Variants in DYNC1H1 observed in about 807,000 individuals in gnomAD.
DYNC1H1 encodes dynein cytoplasmic 1 heavy chain 1.
Under a neutral mutation model 527.1 loss-of-function variants are expected in DYNC1H1, and 51 were observed. The observed-to-expected ratio is 0.10, with a 90% CI of 0.08 to 0.12. The LOEUF is 0.12. Among genes scored for constraint, DYNC1H1 ranks in the 10% least tolerant of loss-of-function variants. The pLI is 1.00. For synonymous variants in DYNC1H1, 2,189 were observed against 2,278.8 expected (o/e 0.96, Z 1.12); for missense variants, 2,771 against 5,971.8 (o/e 0.46, Z 17.66).
At chr14:102,006,781 G>T (rs2048201738) in intron 27 of DYNC1H1, among the ~76,000 whole-genome samples, 1 of 150,266 alleles carries the variant, frequency 6.7e-6, no homozygotes, top group African/African-American at 2.5e-5. Context: ...TGTATTTTTA[G>T]TAGAGATGGA....
Position 102,011,646 on chromosome 14 carries a change from G to A in DYNC1H1, c.6619-229G>A. ...AGGCGCTTGTAAAGCCAGCTACTTG[G>A]GAGAGTGAGGAAGGAGAATCACTTG... is the stretch of plus-strand genomic sequence containing the variant. On this transcript the variant is annotated intron_variant, in intron 32 of 77. Transcript: ENST00000360184. This position sits in a 1 kb window ranked among gnomAD's most constrained non-coding sequence, Gnocchi z 5.3. 1.8e-6 allele frequency: 1 copy of A among 558,066 alleles called. No individual in the cohort carries two copies. Among genetic ancestry groups the A allele is most frequent in the Non-Finnish European group, 3.2e-6 (1 of 311,292 alleles). The allele number at this position is 558,066 out of a possible 1,614,324, so 34.6% of individuals were successfully genotyped here.
intron 43 of DYNC1H1, among the ~76,000 whole-genome samples, chr14:102,025,571 A>G (rs2048440265): frequency 6.6e-6 from 1 of 151,792 alleles, no homozygotes; most frequent in Non-Finnish European, 1.5e-5. Context: ...CAAGGAAAAA[A>G]AAAAAAAAAA....
chr14:101,983,636 GTTTTGT>G lies in DYNC1H1; in HGVS notation c.1461+43_1461+48del, dbSNP rs746861110. 1.2e-5 allele frequency: 20 copies of G among 1,604,084 alleles called. No individual in the cohort carries two copies. The highest frequency in any genetic ancestry group is 2.2e-5 in the East Asian group (1 of 44,730). On this transcript the variant is annotated intron_variant, in intron 7 of 77. Transcript: ENST00000360184. This position sits in a 1 kb window ranked among gnomAD's most constrained non-coding sequence, Gnocchi z 5.3. ...TAAGATTTGCATTCTAAAAGTTTGTGTTTTGTTTTTGTTTTTGTTTTGTTTTTTGTT... is the reference window on the plus strand; with the variant it reads ...TAAGATTTGCATTCTAAAAGTTTGTGTTTTGTTTTTGTTTTGTTTTTTGTT...
At chr14:101,976,445 G>A (rs530598914) in intron 2 of DYNC1H1, among the ~76,000 whole-genome samples, 12 of 151,750 alleles carry the variant, frequency 7.9e-5, no homozygotes, top group African/African-American at 2.4e-4. Flanking sequence ...GGGAGGCTGA[G>A]GCAGTTGAAT....
Position 101,985,897 on chromosome 14 carries a change from G to T in DYNC1H1, c.1672G>T (p.Asp558Tyr). Residue 558 changes from aspartate (D) to tyrosine (Y), a missense_variant, in exon 8 of 78, where the codon GAC becomes TAC. By Grantham distance (160) the Asp-to-Tyr change is radical. Around this residue, in one of 32 missense-constraint regions of DYNC1H1, gnomAD observed 264 missense variants for 619.4 expected, o/e 0.43. Coordinates refer to ENST00000360184, the MANE Select transcript of DYNC1H1 (RefSeq NM_001376.5). The surrounding 1 kb of genome is among the most constrained non-coding windows in gnomAD (Gnocchi z 5.9). The stretch of plus-strand genomic sequence containing the variant: ...TATGAAGAGGTACGATGAGAGGATC[G>T]ACAGAGTGGAGACCCGGATCACCGC... Reference protein sequence around the residue: ...AAMKRYDERIDRVETRITARL... With the variant: ...AAMKRYDERIYRVETRITARL... 6.2e-7 allele frequency: 1 copy of T among 1,614,230 alleles called. No individual in the cohort carries two copies. The highest frequency in any genetic ancestry group is 8.5e-7 in the Non-Finnish European group (1 of 1,180,038).
At chr14:101,966,776 G>T (rs2047672948) in intron 1 of DYNC1H1, among the ~76,000 whole-genome samples, 1 of 151,994 alleles carries the variant, frequency 6.6e-6, no homozygotes. Flanking sequence ...GTGATCACCA[G>T]TAATTCGCTT....
chr14:101,994,076 T>G, intron 11 of DYNC1H1, 108 bp from the exon 12 acceptor site: 2 of 1,544,952 alleles, frequency 1.3e-6, no homozygotes, highest in Non-Finnish European at 1.8e-6. Context: ...TAAATGCCAT[T>G]TTGGTCATGA....
intron 11 of DYNC1H1, among the ~76,000 whole-genome samples, chr14:101,993,772 T>G (rs1486070578): frequency 1.3e-5 from 2 of 152,212 alleles, no homozygotes; most frequent in Admixed American, 1.3e-4. Context: ...CGTAGTTCTC[T>G]CTCACCACCT....
At chr14:101,982,793 T>G (rs1429957342) in intron 5 of DYNC1H1, among the ~76,000 whole-genome samples, 3 of 151,338 alleles carry the variant, frequency 2.0e-5, no homozygotes, top group Non-Finnish European at 4.4e-5. Context: ...GGCTGCCACC[T>G]TCAGCCTTTA....
rs1298489247 is a variant in DYNC1H1 at position 102,008,207 on chromosome 14, C to T, written c.5847C>T (p.Cys1949=). 1.9e-6 allele frequency: 3 copies of T among 1,614,050 alleles called. No individual in the cohort carries two copies. Among genetic ancestry groups the T allele is most frequent in the Non-Finnish European group, 2.5e-6 (3 of 1,180,032 alleles). Residue 1949 remains cysteine, a synonymous_variant, in exon 29 of 78, where the codon TGC becomes TGT. Transcript: ENST00000360184. ...QAMGRIFVGL[C]QVGAWGCFDE... ...TGGGCCGGATCTTTGTGGGCCTTTG[C>T]CAGGTGGGTGCCTGGGGCTGCTTTG...
chr14:102,049,507 C>T lies in DYNC1H1; in HGVS notation c.13440C>T (p.Ser4480=), dbSNP rs150286673. ...GCATGACCGTCATCCAGTGGGTGTC[C>T]GACTTCAGCGAGAGGATCAAACAGC... The part of the protein sequence containing the change: ...PAGMTVIQWV[S]DFSERIKQLQ... The change falls in exon 75 of 78, where the codon TCC becomes TCT. Residue 4480 remains serine (S), a synonymous_variant. Transcript: ENST00000360184. The surrounding 1 kb of genome is among the most constrained non-coding windows in gnomAD (Gnocchi z 5.5). The T allele has an allele frequency of 1.9e-4, 314 of 1,614,142 alleles. No homozygotes were observed. The African/African-American group carries it at 3.2e-3, about 17-fold the overall frequency.
chr14:102,033,697 T>C lies in DYNC1H1; in HGVS notation c.10413+213T>C. Reference sequence around the variant, plus strand: ...TAGATTGATACAAACTGGACACTTTTCAGCCGTTGAATCCCCCACCAGCAG... The same window carrying C: ...TAGATTGATACAAACTGGACACTTTCCAGCCGTTGAATCCCCCACCAGCAG... On this transcript the variant is annotated intron_variant, in intron 54 of 77. Coordinates refer to ENST00000360184, the MANE Select transcript of DYNC1H1 (RefSeq NM_001376.5). The surrounding 1 kb of genome is among the most constrained non-coding windows in gnomAD (Gnocchi z 5.6). 1 of 722,462 alleles carries C rather than the reference T, an allele frequency of 1.4e-6. No individual in the cohort carries two copies. Among genetic ancestry groups the C allele is most frequent in the South Asian group, 1.8e-5 (1 of 57,040 alleles). 44.8% of individuals were successfully genotyped at this position (722,462 alleles called of 1,614,324 possible).
Position 101,980,089 on chromosome 14 carries a change from G to A in DYNC1H1, c.774+115G>A, listed in dbSNP as rs535003943. On this transcript the variant is annotated intron_variant, in intron 4 of 77. Transcript: ENST00000360184. ...TATGTGATAACTTGTTAGTGGTGCCGCCTCTTGGTCCTGGGACTGTCCAGT... is the reference window on the plus strand; with the variant it reads ...TATGTGATAACTTGTTAGTGGTGCCACCTCTTGGTCCTGGGACTGTCCAGT... 5.1e-5 allele frequency: 76 copies of A among 1,496,148 alleles called. No homozygotes were observed. In the East Asian group the frequency reaches 5.4e-4, roughly 11 times the overall value. The allele number at this position is 1,496,148 out of a possible 1,614,324, so 92.7% of individuals were successfully genotyped here. A position where few individuals can be genotyped will look rare whatever the true frequency, so the allele number is the denominator to read the frequency against.
At position 102,047,641 on chromosome 14, in the gene DYNC1H1, G is replaced by GTGTGTGTATATATATATATA; in HGVS notation, c.13007-175_13007-174insGTGTGTATATATATATATAT. On this transcript the variant is annotated intron_variant, in intron 72 of 77. Coordinates refer to ENST00000360184, the MANE Select transcript of DYNC1H1 (RefSeq NM_001376.5). ...TACACGTGTGTGTGTGTGTGTGTGT[G>GTGTGTGTATATATATATATA]TATATATATATATATATATATATGT... The GTGTGTGTATATATATATATA allele has an allele frequency of 3.6e-4, 115 of 316,736 alleles. 1 individual carries two copies. Among genetic ancestry groups the GTGTGTGTATATATATATATA allele is most frequent in the African/African-American group, 1.2e-3 (30 of 25,530 alleles). The allele number at this position is 316,736 out of a possible 1,614,324, so 19.6% of individuals were successfully genotyped here. A position where few individuals can be genotyped will look rare whatever the true frequency, so the allele number is the denominator to read the frequency against.
rs2048310869 is a variant in DYNC1H1, at chr14:102,015,598, GA to G, written c.7243-256del. Among the ~76,000 whole-genome samples the G allele has an allele frequency of 6.6e-6, 1 of 152,188 alleles. No individual in the cohort carries two copies. The highest frequency in any genetic ancestry group is 1.9e-4 in the East Asian group (1 of 5,202). ...AAAGTCACGTATGGGAAAATTTAAA[GA>G]ATTCTTTTCATTATCTTACTTTTCT... is the stretch of plus-strand genomic sequence containing the variant. On this transcript the variant is annotated intron_variant, in intron 35 of 77. Coordinates refer to ENST00000360184, the MANE Select transcript of DYNC1H1 (RefSeq NM_001376.5). This position sits in a 1 kb window ranked among gnomAD's most constrained non-coding sequence, Gnocchi z 6.9.
intron 43 of DYNC1H1, among the ~76,000 whole-genome samples, chr14:102,026,300 TAG>T (rs750149546): frequency 1.4e-4 from 21 of 152,314 alleles, no homozygotes; most frequent in Non-Finnish European, 2.8e-4. Context: ...ATTTTTATAG[TAG>T]AGTGTTTTTT....
In DYNC1H1 at chr14:102,047,915, A is replaced by G. The variant is rs1446933049; in HGVS notation, c.13105A>G (p.Thr4369Ala). 10 of 1,613,534 alleles carry G rather than the reference A, an allele frequency of 6.2e-6. No individual in the cohort carries two copies. Among genetic ancestry groups the G allele is most frequent in the Non-Finnish European group, 7.6e-6 (9 of 1,180,016 alleles). The change falls in exon 73 of 78, where the codon ACG becomes GCG. Residue 4369 changes from threonine to alanine, a missense_variant. Physicochemically the swap from Thr to Ala is moderately conservative, Grantham distance 58 (BLOSUM62 0). This residue lies in a region of DYNC1H1 where 170 missense variants were observed against 249.8 expected (regional missense o/e 0.68). Transcript: ENST00000360184. ...ETEKKTRTDS[T>A]SDGRPAWMRT... is the part of the protein sequence containing the mutation. ...TGAGAAGAAGACGAGGACAGACTCC[A>G]CGTCCGACGGGCGCCCTGCCTGGAT...
In DYNC1H1 at chr14:102,009,852, C is replaced by G. The variant is rs752903521; in HGVS notation, c.5987C>G (p.Pro1996Arg). ...ATCATCTCATTCTCAGCCTCTGCCC[C>G]CATTACTTGTGAGCTGCTGAACAAA... Reference protein sequence around the residue: ...SNPNYDKTSAPITCELLNKQV... With the variant: ...SNPNYDKTSARITCELLNKQV... Residue 1996 changes from proline to arginine, a missense_variant, in exon 30 of 78, where the codon CCC (proline) becomes CGC (arginine). By Grantham distance (103) the Pro-to-Arg change is moderately radical (BLOSUM62 -2). Coordinates refer to ENST00000360184, the MANE Select transcript of DYNC1H1 (RefSeq NM_001376.5). 11 of 1,614,108 alleles carry G rather than the reference C, an allele frequency of 6.8e-6. No individual in the cohort carries two copies. The highest frequency in any genetic ancestry group is 1.7e-5 in the Admixed American group (1 of 60,014).
chr14:101,997,904 G>T lies in DYNC1H1; in HGVS notation c.3804+630G>T, dbSNP rs1216498123. Among the ~76,000 whole-genome samples, 2 of 152,182 alleles carry T rather than the reference G, an allele frequency of 1.3e-5. No homozygotes were observed. Among genetic ancestry groups the T allele is most frequent in the Non-Finnish European group, 2.9e-5 (2 of 68,028 alleles). On this transcript the variant is annotated intron_variant, in intron 16 of 77. Transcript: ENST00000360184. This position sits in a 1 kb window ranked among gnomAD's most constrained non-coding sequence, Gnocchi z 4.8. ...GCAAGAAGAGACAGGAAAGGCAGGT[G>T]GTGGTGCTGCTGCGACAGAAGCAGA...
Sources: allele counts gnomAD v4.1 joint callset (sites outside exome capture counted in the v4.1 genomes callset), GRCh38; gene constraint gnomAD v4.1.1; regional missense constraint gnomAD v4.1.1; non-coding constraint Gnocchi (gnomAD v3.1); transcripts MANE v1.5; gene names NCBI Gene and HGNC (gene_info 2026-07-23, HGNC 2026-07-21).